The following DAB1 variants were observed in gnomAD, a reference collection of about 807,000 sequenced individuals.
DAB1 encodes disabled homolog 1.
Under a neutral mutation model 64.6 loss-of-function variants are expected in DAB1, and 15 were observed. That is an observed-to-expected ratio of 0.23 (90% CI 0.16 to 0.36). DAB1 has a LOEUF of 0.36. Ranked by LOEUF, DAB1 falls within the 10% of genes least tolerant of loss-of-function variation. DAB1 has a pLI of 1.00. For synonymous variants in DAB1, 235 were observed against 251.9 expected (o/e 0.93, Z 0.64); for missense variants, 596 against 706.7 (o/e 0.84, Z 1.78).
intron 7 of DAB1, among the ~76,000 whole-genome samples, chr1:57,590,146 T>C (rs552390380): frequency 6.6e-6 from 1 of 152,162 alleles, no homozygotes; most frequent in Non-Finnish European, 1.5e-5. Flanking sequence ...AAGGCTTCTC[T>C]CCTTGGCTTT....
intron 5 of DAB1, among the ~76,000 whole-genome samples, chr1:57,899,223 G>T (rs1644437920): frequency 6.6e-6 from 1 of 152,084 alleles, no homozygotes. Flanking sequence ...TGAATAGAGA[G>T]CAGATGATTT....
intron 7 of DAB1, among the ~76,000 whole-genome samples, chr1:57,510,354 T>C (rs1292851587): frequency 6.6e-6 from 1 of 152,150 alleles, no homozygotes; most frequent in Non-Finnish European, 1.5e-5. Flanking sequence ...GGCCTCCATC[T>C]TACTTCACTG....
intron 5 of DAB1, among the ~76,000 whole-genome samples, chr1:58,068,600 C>G (rs577784121): frequency 1.8e-4 from 28 of 151,820 alleles, no homozygotes; most frequent in Non-Finnish European, 3.7e-4. Flanking sequence ...CCCATCTCTA[C>G]TAATAATACA....
At position 57,118,980 on chromosome 1, in the gene DAB1, T is replaced by C. The variant is rs189829765; in HGVS notation, c.306+17563A>G. 1.1e-3 allele frequency among the ~76,000 whole-genome samples: 166 copies of C among 152,304 alleles called. 3 individuals carry two copies. The highest frequency in any genetic ancestry group is 7.4e-5 in the Non-Finnish European group (5 of 68,016). ...AGAAGCCCGTAAGTGACAGTGTCAG[T>C]TACTATTATGAATATTATTATAATG... On this transcript the variant is annotated intron_variant, in intron 4 of 14. Transcript: ENST00000371236.
intron 1 of DAB1, among the ~76,000 whole-genome samples, chr1:57,379,932 C>T (rs183914249): frequency 7.9e-5 from 12 of 152,306 alleles, no homozygotes; most frequent in Admixed American, 3.9e-4. Context: ...ATTTGCCAAA[C>T]GGAAGTGGTG....
chr1:57,400,863 C>A (rs2101030222), intron 1 of DAB1, among the ~76,000 whole-genome samples: 1 of 152,162 alleles, frequency 6.6e-6, no homozygotes. Context: ...ACCTAATTTT[C>A]TAGAGGACAG....
At chr1:58,133,048 T>G (rs1653730012) in intron 5 of DAB1, among the ~76,000 whole-genome samples, 2 of 152,204 alleles carry the variant, frequency 1.3e-5, no homozygotes, top group South Asian at 4.1e-4. Flanking sequence ...CATTATCAGT[T>G]ATTTCTTAAA....
chr1:58,035,345 A>T (rs953691969), intron 5 of DAB1, among the ~76,000 whole-genome samples: 1 of 152,250 alleles, frequency 6.6e-6, no homozygotes, highest in Non-Finnish European at 1.5e-5. Context: ...GCAGATAAAC[A>T]GTTTTTTGCT....
intron 4 of DAB1, among the ~76,000 whole-genome samples, chr1:57,103,206 C>T (rs917051365): frequency 5.9e-5 from 9 of 152,062 alleles, no homozygotes; most frequent in Admixed American, 5.9e-4. Context: ...TGAAGAAAAA[C>T]CAAACACAGA....
chr1:58,426,152 T>G (rs13374069), intron 3 of DAB1, among the ~76,000 whole-genome samples: 10,419 of 152,194 alleles, frequency 0.068, 498 homozygotes, highest in African/African-American at 0.14. Context: ...TTTGCAGTGA[T>G]AAAACTGAGG....
intron 5 of DAB1, among the ~76,000 whole-genome samples, chr1:57,907,570 C>T (rs1644571763): frequency 6.6e-6 from 1 of 152,094 alleles, no homozygotes; most frequent in South Asian, 2.1e-4. Context: ...CTGTCAACGA[C>T]CCTATGAGAT....
intron 6 of DAB1, among the ~76,000 whole-genome samples, chr1:57,738,819 A>T (rs1647822553): frequency 6.6e-6 from 1 of 152,148 alleles, no homozygotes; most frequent in East Asian, 1.9e-4. Flanking sequence ...GCAATTATTG[A>T]TTTTTCCAAA....
At chr1:57,036,299 C>T (rs1021405586) in intron 9 of DAB1, among the ~76,000 whole-genome samples, 2 of 152,122 alleles carry the variant, frequency 1.3e-5, no homozygotes, top group African/African-American at 4.8e-5. Context: ...TCTCTTTTGC[C>T]CTGCTCTTGG....
chr1:57,320,601 A>G (rs1433755268), intron 1 of DAB1, among the ~76,000 whole-genome samples: 4 of 152,178 alleles, frequency 2.6e-5, no homozygotes, highest in Admixed American at 6.5e-5. Flanking sequence ...AAACATGTCT[A>G]TAGATCATGT....
intron 6 of DAB1, among the ~76,000 whole-genome samples, chr1:57,697,953 C>T (rs562016547): frequency 6.6e-6 from 1 of 152,294 alleles, no homozygotes; most frequent in African/African-American, 2.4e-5. Flanking sequence ...CTCCATCCTC[C>T]TTGTGCTTTC....
intron 1 of DAB1, among the ~76,000 whole-genome samples, chr1:57,849,779 T>C (rs892252746): frequency 3.9e-5 from 6 of 152,214 alleles, no homozygotes; most frequent in African/African-American, 1.4e-4. Context: ...TCTGAACACA[T>C]TTTGGCTTTT....
intron 7 of DAB1, among the ~76,000 whole-genome samples, chr1:57,470,218 G>C (rs917610040): frequency 1.3e-5 from 2 of 152,220 alleles, no homozygotes; most frequent in African/African-American, 4.8e-5. Context: ...CCTGACTCCA[G>C]TGCATGCTCA....
chr1:58,421,471 C>T (rs190347146), intron 3 of DAB1, among the ~76,000 whole-genome samples: 1 of 152,202 alleles, frequency 6.6e-6, no homozygotes, highest in Admixed American at 6.5e-5. Context: ...AAAAAAAGTT[C>T]TTAATTTGTG....
intron 7 of DAB1, among the ~76,000 whole-genome samples, chr1:57,529,070 C>T (rs1187993500): frequency 2.0e-5 from 3 of 151,808 alleles, no homozygotes; most frequent in African/African-American, 7.3e-5. Context: ...GACAATAGAT[C>T]ACAAAGAAAA....
Sources: allele counts gnomAD v4.1 joint callset (sites outside exome capture counted in the v4.1 genomes callset), GRCh38; gene constraint gnomAD v4.1.1; transcripts MANE v1.5; gene names NCBI Gene and HGNC (gene_info 2026-07-23, HGNC 2026-07-21).